Variants in TASP1 observed in about 807,000 individuals in gnomAD.
The protein encoded by TASP1 is taspase 1.
Under a neutral mutation model 56.6 loss-of-function variants are expected in TASP1, and 16 were observed. The observed-to-expected ratio is 0.28, with a 90% CI of 0.19 to 0.43. TASP1 has a LOEUF of 0.43. Among genes scored for constraint, TASP1 ranks in the 20% least tolerant of loss-of-function variants. TASP1 has a pLI of 1.00. For missense variants in TASP1, 393 were observed against 511.6 expected (o/e 0.77, Z 2.24); for synonymous variants, 179 against 184.2 (o/e 0.97, Z 0.23).
chr20:13,547,662 G>A (rs1268994357), intron 8 of TASP1, among the ~76,000 whole-genome samples: 1 of 152,102 alleles, frequency 6.6e-6, no homozygotes, highest in Non-Finnish European at 1.5e-5. Flanking sequence ...TGTATCTTCT[G>A]ATAGCACACA....
At chr20:13,347,233 G>A in the TASP1 span, among the ~76,000 whole-genome samples, 193 of 152,296 alleles carry the variant, frequency 1.3e-3, no homozygotes, top group Middle Eastern at 6.8e-3. Flanking sequence ...TCACAAAACA[G>A]GAGCTTCCTC....
chr20:13,402,725 G>A (rs1378448532), intron 13 of TASP1, among the ~76,000 whole-genome samples: 1 of 152,120 alleles, frequency 6.6e-6, no homozygotes, highest in African/African-American at 2.4e-5. Flanking sequence ...TCTAAAATAT[G>A]GTCCAATAAA....
the TASP1 span, chr20:13,165,714 G>A: frequency 6.6e-6 from 1 of 152,174 alleles, no homozygotes; most frequent in East Asian, 1.9e-4. Flanking sequence ...TAAGGAATTA[G>A]TTGTCATTTT....
intron 10 of TASP1, among the ~76,000 whole-genome samples, chr20:13,517,017 C>G (rs568823253): frequency 9.9e-5 from 15 of 152,100 alleles, no homozygotes; most frequent in African/African-American, 3.4e-4. Flanking sequence ...GTACTAATGG[C>G]TGCAACAACA....
intron 10 of TASP1, among the ~76,000 whole-genome samples, chr20:13,501,099 A>C (rs2043928622): frequency 1.3e-5 from 2 of 152,240 alleles, no homozygotes; most frequent in East Asian, 3.9e-4. Flanking sequence ...GAAAAAAGCC[A>C]ACACAGAATT....
At chr20:13,546,641 T>C (rs1182304399) in intron 8 of TASP1, among the ~76,000 whole-genome samples, 1 of 152,206 alleles carries the variant, frequency 6.6e-6, no homozygotes, top group African/African-American at 2.4e-5. Context: ...AGACATGGTC[T>C]AGAAGTTCAT....
chr20:13,147,512 C>G, the TASP1 span, among the ~76,000 whole-genome samples: 31 of 152,298 alleles, frequency 2.0e-4, no homozygotes, highest in South Asian at 6.2e-4. Context: ...CCCCATCACC[C>G]TCTGCCCCCT....
chr20:13,249,062 T>C, the TASP1 span, among the ~76,000 whole-genome samples: 137 of 152,336 alleles, frequency 9.0e-4, no homozygotes, highest in Non-Finnish European at 1.7e-3. Context: ...TCAGGAGCCC[T>C]GCAAAGAACC....
the TASP1 span, among the ~76,000 whole-genome samples, chr20:13,191,603 A>C: frequency 6.6e-6 from 1 of 152,300 alleles, no homozygotes; most frequent in Non-Finnish European, 1.5e-5. Flanking sequence ...AGAGGAGAGG[A>C]GATAGGCAGA....
chr20:13,184,457 G>A, the TASP1 span, among the ~76,000 whole-genome samples: 7 of 152,010 alleles, frequency 4.6e-5, no homozygotes, highest in African/African-American at 1.7e-4. Context: ...AGCCCTTCAG[G>A]TTGAATGAAT....
intron 7 of TASP1, among the ~76,000 whole-genome samples, chr20:13,562,773 C>A (rs1182137931): frequency 6.6e-6 from 1 of 150,660 alleles, no homozygotes; most frequent in Non-Finnish European, 1.5e-5. Context: ...GCTACTCCAG[C>A]AGCTGAGATG....
At chr20:13,209,839 A>T in the TASP1 span, among the ~76,000 whole-genome samples, 1 of 152,238 alleles carries the variant, frequency 6.6e-6, no homozygotes, top group Admixed American at 6.5e-5. Flanking sequence ...GATGTATCAC[A>T]GACTATTATG....
chr20:13,171,112 G>A, the TASP1 span, among the ~76,000 whole-genome samples: 1 of 152,114 alleles, frequency 6.6e-6, no homozygotes, highest in East Asian at 1.9e-4. Flanking sequence ...GCCCTTTTAA[G>A]GGCAAAATAA....
chr20:13,375,738 AG>A, the TASP1 span, among the ~76,000 whole-genome samples: 1 of 152,218 alleles, frequency 6.6e-6, no homozygotes, highest in African/African-American at 2.4e-5. Flanking sequence ...CATTTTCTCC[AG>A]CATCTGTTGT....
chr20:13,436,974 T>C (rs2043027309), intron 11 of TASP1, among the ~76,000 whole-genome samples: 1 of 152,166 alleles, frequency 6.6e-6, no homozygotes, highest in Admixed American at 6.5e-5. Flanking sequence ...GTTAGGCCTC[T>C]GTTTTAGGAA....
chr20:13,132,404 C>T, the TASP1 span, among the ~76,000 whole-genome samples: 2 of 151,840 alleles, frequency 1.3e-5, no homozygotes, highest in East Asian at 1.9e-4. Context: ...CTTGAGCTCC[C>T]GACCTCAAGT....
the TASP1 span, among the ~76,000 whole-genome samples, chr20:13,177,272 G>C: frequency 1.3e-5 from 2 of 151,648 alleles, no homozygotes; most frequent in Non-Finnish European, 2.9e-5. Flanking sequence ...GAAATTGAAG[G>C]GGATACAAAT....
At chr20:13,298,932 C>A in the TASP1 span, 644 of 1,611,582 alleles carry the variant, frequency 4.0e-4, 17 homozygotes, top group South Asian at 5.3e-3. Context: ...TTCTCTTTGG[C>A]CTTTTCCAGA....
intron 11 of TASP1, among the ~76,000 whole-genome samples, chr20:13,472,415 T>G (rs972719979): frequency 1.3e-5 from 2 of 150,986 alleles, no homozygotes; most frequent in African/African-American, 4.9e-5. Flanking sequence ...ATTCAGGACA[T>G]AGGCGTGGGC....
Sources: gnomAD v4.1 joint callset for allele counts (sites outside exome capture counted in the v4.1 genomes callset) on GRCh38, gnomAD v4.1.1 for gene constraint, MANE v1.5 for transcripts, NCBI Gene and HGNC (gene_info 2026-07-23, HGNC 2026-07-21) for gene names.